NAA60: variants seen among roughly 807,000 people sequenced by gnomAD.
NAA60 encodes N-alpha-acetyltransferase 60, NatF catalytic subunit.
In NAA60, 8 loss-of-function variants were observed where a neutral mutation model predicts 26.1. That is an observed-to-expected ratio of 0.31 (90% CI 0.18 to 0.55). The LOEUF (loss-of-function observed/expected upper bound fraction) is 0.55, where lower values mean the gene tolerates loss of function less well. Among genes scored for constraint, NAA60 ranks in the 20% least tolerant of loss-of-function variants. The pLI is 0.93. For missense variants in NAA60, 290 were observed against 311.3 expected (o/e 0.93, Z 0.51); for synonymous variants, 131 against 122.5 (o/e 1.07, Z -0.46).
Position 3,479,605 on chromosome 16 carries a change from G to A in NAA60, c.240+5G>A, listed in dbSNP as rs1344341505. ...AGGACCAAAATACATAAAGAGGTAC[G>A]TACGTGTGTGCAGTGAGGACTTGGC... On this transcript the variant is annotated splice_donor_5th_base_variant and intron_variant, in intron 4 of 7. Coordinates refer to ENST00000407558, the MANE Select transcript of NAA60 (RefSeq NM_001083601.3). The A allele has an allele frequency of 9.9e-6, 16 of 1,613,730 alleles. No individual in the cohort carries two copies. Among genetic ancestry groups the A allele is most frequent in the African/African-American group, 4.0e-5 (3 of 74,930 alleles).
chr16:3,472,771 G>A (rs553072627), intron 2 of NAA60, among the ~76,000 whole-genome samples: 2 of 152,226 alleles, frequency 1.3e-5, no homozygotes, highest in South Asian at 2.1e-4. Context: ...AAACATCCAC[G>A]TGGCATACCC....
At chr16:3,448,394 A>G in intron 1 of NAA60, 77 bp from the exon 2 acceptor site, 1 of 1,191,786 alleles carries the variant, frequency 8.4e-7, no homozygotes, top group Non-Finnish European at 1.2e-6. Context: ...GGTTTGTCTG[A>G]CACTCATTAG....
At chr16:3,446,059 C>G (rs938945101) in intron 1 of NAA60, among the ~76,000 whole-genome samples, 1 of 152,190 alleles carries the variant, frequency 6.6e-6, no homozygotes, top group Non-Finnish European at 1.5e-5. Flanking sequence ...AAAAATCCTT[C>G]CACGACAATC....
rs759071332 is a variant in NAA60, at chr16:3,479,503, C to G, written c.143C>G (p.Ser48Cys). 6.2e-7 allele frequency: 1 copy of G among 1,613,892 alleles called. No homozygotes were observed. The highest frequency in any genetic ancestry group is 1.3e-5 in the African/African-American group (1 of 74,928). The change falls in exon 4 of 8, where the codon TCC (serine) becomes TGC (cysteine). Residue 48 changes from serine to cysteine, a missense_variant. By Grantham distance (112) the Ser-to-Cys change is moderately radical (BLOSUM62 -1). Coordinates refer to ENST00000407558, the MANE Select transcript of NAA60 (RefSeq NM_001083601.3). ...YPDSWYRDIT[S>C]NKKFFSLAAT... Reference sequence around the variant, plus strand: ...GACTCATGGTATCGTGATATCACATCCAACAAGAAGTTCTTTTCCCTTGCT... The same window carrying G: ...GACTCATGGTATCGTGATATCACATGCAACAAGAAGTTCTTTTCCCTTGCT...
chr16:3,474,556 C>A (rs988944967), intron 2 of NAA60, among the ~76,000 whole-genome samples: 2 of 152,236 alleles, frequency 1.3e-5, no homozygotes, highest in Non-Finnish European at 2.9e-5. Context: ...CAGTGGACGC[C>A]GCGGGCACTT....
chr16:3,473,078 C>G (rs1343793216), intron 2 of NAA60, among the ~76,000 whole-genome samples: 3 of 151,968 alleles, frequency 2.0e-5, no homozygotes. Context: ...CCACGTCACC[C>G]AGGCTGGAAT....
rs146771365 is a variant in NAA60 at position 3,473,570 on chromosome 16, C to G, written c.-6-2652C>G. Among the ~76,000 whole-genome samples, 28 of 152,262 alleles carry G rather than the reference C, an allele frequency of 1.8e-4. 1 individual carries two copies. The East Asian group carries it at 4.8e-3, about 26-fold the overall frequency. ...ATTCAAGATGAGATTTGGGGAGGGA[C>G]AGAGCCAAACCATATCATAGTGTTT... On this transcript the variant is annotated intron_variant, in intron 2 of 7. Transcript: ENST00000407558.
intron 2 of NAA60, among the ~76,000 whole-genome samples, chr16:3,475,465 A>G (rs1305056531): frequency 6.6e-6 from 1 of 151,976 alleles, no homozygotes; most frequent in Non-Finnish European, 1.5e-5. Context: ...GGTGCCCAGC[A>G]CTTGGCCGGC....
chr16:3,476,656 A>G (rs899702704), intron 3 of NAA60, among the ~76,000 whole-genome samples: 1 of 152,260 alleles, frequency 6.6e-6, no homozygotes, highest in African/African-American at 2.4e-5. Context: ...GGAGTTGGTT[A>G]CATGCATTAG....
chr16:3,483,301 A>C (rs201880030), intron 5 of NAA60, 62 bp from the exon 6 acceptor site: 1 of 1,248,658 alleles, frequency 8.0e-7, no homozygotes, highest in Non-Finnish European at 1.1e-6. Flanking sequence ...CCCCCATCCT[A>C]GCCCAGTCAT....
chr16:3,468,519 C>T (rs901839613), intron 2 of NAA60, among the ~76,000 whole-genome samples: 4 of 152,176 alleles, frequency 2.6e-5, no homozygotes, highest in South Asian at 2.1e-4. Flanking sequence ...GTCTTGGTAC[C>T]GTGTCCGGAG....
At chr16:3,446,424 G>A (rs62031804) in intron 1 of NAA60, among the ~76,000 whole-genome samples, 74,645 of 150,276 alleles carry the variant, frequency 0.5, 20,028 homozygotes, top group East Asian at 0.66. Context: ...CCAGCTACTC[G>A]GGAGGCTGAG....
chr16:3,457,352 C>T (rs190576257), intron 2 of NAA60, among the ~76,000 whole-genome samples: 165 of 152,306 alleles, frequency 1.1e-3, no homozygotes, highest in African/African-American at 3.9e-3. Flanking sequence ...CCTGTAGTCT[C>T]GGCTACTTGG....
chr16:3,468,381 G>T (rs1045958853), intron 2 of NAA60, among the ~76,000 whole-genome samples: 1 of 152,106 alleles, frequency 6.6e-6, no homozygotes, highest in African/African-American at 2.4e-5. Flanking sequence ...GCATGAATTG[G>T]CCTTAGGTTC....
At chr16:3,461,633 G>C (rs2035401867) in intron 2 of NAA60, among the ~76,000 whole-genome samples, 2 of 152,172 alleles carry the variant, frequency 1.3e-5, no homozygotes, top group Non-Finnish European at 2.9e-5. Flanking sequence ...ACTTGGAATA[G>C]CATGTATTTT....
chr16:3,447,405 G>A, intron 1 of NAA60: 1 of 920,914 alleles, frequency 1.1e-6, no homozygotes, highest in South Asian at 5.0e-5. Context: ...AGGTAAATGG[G>A]GTATCTTCCC....
intron 2 of NAA60, chr16:3,456,874 C>T (rs2035021810): frequency 6.6e-6 from 1 of 152,098 alleles, no homozygotes; most frequent in Non-Finnish European, 1.5e-5. Context: ...ACTGCAGCCT[C>T]CACCTCCAGG....
intron 1 of NAA60, among the ~76,000 whole-genome samples, chr16:3,447,817 C>CT (rs2034615357): frequency 6.6e-6 from 1 of 152,156 alleles, no homozygotes; most frequent in African/African-American, 2.4e-5. Context: ...GGATAGGAGT[C>CT]TTTTTAGTTT....
intron 2 of NAA60, among the ~76,000 whole-genome samples, chr16:3,453,565 C>T (rs552814585): frequency 8.2e-4 from 125 of 152,154 alleles, no homozygotes; most frequent in African/African-American, 2.8e-3. Flanking sequence ...CGCACCACCA[C>T]GCCTGGCTAA....
Sources: gnomAD v4.1 joint callset for allele counts (sites outside exome capture counted in the v4.1 genomes callset) on GRCh38, gnomAD v4.1.1 for gene constraint, MANE v1.5 for transcripts, NCBI Gene and HGNC (gene_info 2026-07-23, HGNC 2026-07-21) for gene names.